The following ZNF407 variants were observed in gnomAD, a reference collection of about 807,000 sequenced individuals.
ZNF407 encodes the protein zinc finger protein 407.
ZNF407 carries 17 observed loss-of-function variants against 131.2 expected under a neutral mutation model. The observed-to-expected ratio is 0.13, with a 90% CI of 0.09 to 0.19. The LOEUF (loss-of-function observed/expected upper bound fraction) is 0.19, where lower values mean the gene tolerates loss of function less well. Ranked by LOEUF, ZNF407 falls within the 10% of genes least tolerant of loss-of-function variation. The pLI is 1.00. For missense variants in ZNF407, 2,681 were observed against 2,830.6 expected (o/e 0.95, Z 1.20); for synonymous variants, 1,156 against 1,062.0 (o/e 1.09, Z -1.72).
At chr18:74,707,116 A>C (rs1358580298) in intron 3 of ZNF407, among the ~76,000 whole-genome samples, 1 of 151,998 alleles carries the variant, frequency 6.6e-6, no homozygotes, top group Non-Finnish European at 1.5e-5. Context: ...ATGCCTGGCT[A>C]ATTTTTATAT....
At chr18:75,051,742 C>T (rs760849783) in intron 8 of ZNF407, among the ~76,000 whole-genome samples, 51 of 152,092 alleles carry the variant, frequency 3.4e-4, no homozygotes, top group Non-Finnish European at 6.6e-4. Flanking sequence ...CATTGTGTGT[C>T]GGGACTTATT....
chr18:74,685,445 C>G (rs1967075560), intron 3 of ZNF407, among the ~76,000 whole-genome samples: 1 of 152,212 alleles, frequency 6.6e-6, no homozygotes, highest in Non-Finnish European at 1.5e-5. Flanking sequence ...GGCTGACCCT[C>G]TGTCCTCCCT....
chr18:74,847,587 G>T (rs767254845), intron 4 of ZNF407, among the ~76,000 whole-genome samples: 4 of 152,016 alleles, frequency 2.6e-5, no homozygotes, highest in Non-Finnish European at 5.9e-5. Context: ...GGAAGAAACT[G>T]CCAGCAGAAA....
chr18:74,779,109 A>ATATATATATATATATATATATTTTTTTT (rs397943457), intron 3 of ZNF407, among the ~76,000 whole-genome samples: 2 of 24,372 alleles, frequency 8.2e-5, no homozygotes, highest in African/African-American at 2.8e-4. Flanking sequence ...ATATATATAT[A>ATATATATATATATATATATATTTTTTTT]TTTTTTTTTT....
chr18:74,919,007 T>A (rs937832913), intron 7 of ZNF407, among the ~76,000 whole-genome samples: 1 of 152,142 alleles, frequency 6.6e-6, no homozygotes, highest in African/African-American at 2.4e-5. Flanking sequence ...ACGAGAACTC[T>A]TCCAGAATAT....
intron 1 of ZNF407, among the ~76,000 whole-genome samples, chr18:74,614,194 G>T (rs1019273661): frequency 1.3e-5 from 2 of 152,122 alleles, no homozygotes; most frequent in Admixed American, 1.3e-4. Flanking sequence ...AAATAGCTTA[G>T]AAAGAAAAGT....
At chr18:75,045,911 C>G (rs768430308) in intron 8 of ZNF407, among the ~76,000 whole-genome samples, 19 of 152,082 alleles carry the variant, frequency 1.2e-4, no homozygotes, top group Admixed American at 3.3e-4. Flanking sequence ...ACCACCTGTT[C>G]TATTATATTT....
intron 8 of ZNF407, among the ~76,000 whole-genome samples, chr18:75,043,780 C>A (rs1973401035): frequency 6.6e-6 from 1 of 152,206 alleles, no homozygotes; most frequent in South Asian, 2.1e-4. Context: ...GATAAAAAGG[C>A]TTCACTTGCC....
chr18:74,728,611 C>T (rs1968215760), intron 3 of ZNF407, among the ~76,000 whole-genome samples: 2 of 152,288 alleles, frequency 1.3e-5, no homozygotes, highest in South Asian at 4.1e-4. Context: ...GGCCACCTAC[C>T]TCCACCGAGG....
chr18:75,060,624 G>C (rs1449909813), intron 8 of ZNF407, among the ~76,000 whole-genome samples: 2 of 148,708 alleles, frequency 1.3e-5, no homozygotes, highest in Non-Finnish European at 3.0e-5. Context: ...TCCTGCCTCA[G>C]CCTCCCGAGT....
chr18:75,018,440 A>G (rs1233775452), intron 8 of ZNF407, among the ~76,000 whole-genome samples: 1 of 152,022 alleles, frequency 6.6e-6, no homozygotes, highest in Non-Finnish European at 1.5e-5. Context: ...TGAACTCCAA[A>G]CTAAATTCAC....
intron 3 of ZNF407, among the ~76,000 whole-genome samples, chr18:74,694,446 C>T (rs693638): frequency 0.78 from 117,471 of 149,818 alleles, 46,115 homozygotes; most frequent in East Asian, 0.9. Flanking sequence ...TTCTTTTTTT[C>T]TTTTTCCTGG....
intron 4 of ZNF407, among the ~76,000 whole-genome samples, chr18:74,802,917 TTTG>T (rs1222336797): frequency 1.3e-5 from 2 of 152,190 alleles, no homozygotes; most frequent in African/African-American, 4.8e-5. Flanking sequence ...AATGTGTTTT[TTTG>T]TTGTTGTTTT....
chr18:74,941,800 C>A (rs964826157), intron 8 of ZNF407, among the ~76,000 whole-genome samples: 1 of 152,114 alleles, frequency 6.6e-6, no homozygotes. Flanking sequence ...GAAAAACTTT[C>A]GCAACAACGG....
chr18:74,830,672 T>G (rs540946083), intron 4 of ZNF407, among the ~76,000 whole-genome samples: 20 of 152,294 alleles, frequency 1.3e-4, no homozygotes, highest in Non-Finnish European at 2.9e-5. Flanking sequence ...GTGTAATGTA[T>G]GTAGTGTATG....
chr18:74,941,125 T>C (rs1184332649), intron 8 of ZNF407, among the ~76,000 whole-genome samples: 1 of 152,146 alleles, frequency 6.6e-6, no homozygotes, highest in Non-Finnish European at 1.5e-5. Context: ...TTGTGACTGC[T>C]TGACTCAAGA....
chr18:74,895,142 C>T (rs1241855023), intron 7 of ZNF407, among the ~76,000 whole-genome samples: 1 of 151,794 alleles, frequency 6.6e-6, no homozygotes, highest in Non-Finnish European at 1.5e-5. Context: ...ATTTTTCCCC[C>T]TACTTATGGC....
intron 8 of ZNF407, 171 bp from the exon 9 acceptor site, chr18:75,062,979 C>T (rs539458273): frequency 1.7e-6 from 1 of 585,522 alleles, no homozygotes; most frequent in East Asian, 2.9e-5. Flanking sequence ...TGCAGATGCC[C>T]ACGGAGGCCT....
chr18:74,673,181 T>C (rs1356499948), intron 3 of ZNF407, among the ~76,000 whole-genome samples: 3 of 152,218 alleles, frequency 2.0e-5, no homozygotes, highest in African/African-American at 7.2e-5. Context: ...TGTATCAGTT[T>C]CCTGCTGCTG....
Sources: gnomAD v4.1 joint callset for allele counts (sites outside exome capture counted in the v4.1 genomes callset) on GRCh38, gnomAD v4.1.1 for gene constraint, MANE v1.5 for transcripts, NCBI Gene and HGNC (gene_info 2026-07-23, HGNC 2026-07-21) for gene names.